Variants in SSC4D observed in about 807,000 individuals in gnomAD.
The protein encoded by SSC4D is scavenger receptor cysteine rich family member with 4 domains.
Under a neutral mutation model 63.4 loss-of-function variants are expected in SSC4D, and 57 were observed. That is an observed-to-expected ratio of 0.90 (90% CI 0.73 to 1.12). The LOEUF (loss-of-function observed/expected upper bound fraction) is 1.12. Ranked by LOEUF, SSC4D falls within the 50% of genes most tolerant of loss-of-function variation. The probability of loss-of-function intolerance (pLI) is 0.00; values close to 1 mark genes in which losing one functional copy is unlikely to be tolerated. For missense variants in SSC4D, 791 were observed against 806.4 expected (o/e 0.98, Z 0.23); for synonymous variants, 352 against 345.4 (o/e 1.02, Z -0.21).
rs571132958 is a variant in SSC4D, at chr7:76,404,391, G to A, written c.49C>T (p.Arg17Cys). Residue 17 changes from arginine to cysteine, a missense_variant, in exon 2 of 11, where the codon CGC (arginine) becomes TGC (cysteine). Coordinates refer to ENST00000275560, the MANE Select transcript of SSC4D (RefSeq NM_080744.2). ...CCATCTCCCAACCTCCACCCCCAGC[G>A]CTTCTCATCCAGCTGGGGACCAATT... is the stretch of plus-strand genomic sequence containing the variant. The part of the protein sequence containing the change: ...MLIGPQLDEK[R>C]WGWRLGDGSA... The A allele has an allele frequency of 1.1e-5, 18 of 1,613,998 alleles. No individual in the cohort carries two copies. The highest frequency in any genetic ancestry group is 2.2e-5 in the South Asian group (2 of 91,078).
In SSC4D at chr7:76,393,812, C is replaced by G. The variant is rs760953733; in HGVS notation, c.1021+18G>C. On this transcript the variant is annotated intron_variant, in intron 8 of 10. Transcript: ENST00000275560. Reference sequence around the variant, plus strand: ...CTACCCTTCCCCATCCCCCGCAGACCCAGGCACCGCCACTTACTTTTCTTC... The same window carrying G: ...CTACCCTTCCCCATCCCCCGCAGACGCAGGCACCGCCACTTACTTTTCTTC... The G allele has an allele frequency of 7.0e-7, 1 of 1,422,806 alleles. No individual in the cohort carries two copies. Among genetic ancestry groups the G allele is most frequent in the South Asian group, 1.2e-5 (1 of 81,616 alleles). 88.1% of individuals were successfully genotyped at this position (1,422,806 alleles called of 1,614,324 possible). A position where few individuals can be genotyped will look rare whatever the true frequency, so the allele number is the denominator to read the frequency against.
In SSC4D at chr7:76,404,387, C is replaced by G; in HGVS notation, c.53G>C (p.Trp18Ser). ...ACTCCCATCTCCCAACCTCCACCCC[C>G]AGCGCTTCTCATCCAGCTGGGGACC... ...LIGPQLDEKR[W>S]GWRLGDGSAA... is the part of the protein sequence containing the mutation. The change falls in exon 2 of 11, where the codon TGG becomes TCG. Residue 18 changes from tryptophan to serine, a missense_variant. Physicochemically the swap from Trp to Ser is radical, Grantham distance 177 (BLOSUM62 -3). Transcript: ENST00000275560. The G allele has an allele frequency of 1.2e-6, 2 of 1,614,022 alleles. No homozygotes were observed. Among genetic ancestry groups the G allele is most frequent in the East Asian group, 2.2e-5 (1 of 44,880 alleles).
chr7:76,395,887 G>T (rs138018412), intron 6 of SSC4D, among the ~76,000 whole-genome samples: 1 of 152,210 alleles, frequency 6.6e-6, no homozygotes, highest in East Asian at 1.9e-4. Flanking sequence ...TAGAGATGGG[G>T]TTTCACCATG....
chr7:76,400,436 G>A lies in SSC4D; in HGVS notation c.325C>T (p.Arg109Trp), dbSNP rs754293744. Residue 109 changes from arginine to tryptophan, a missense_variant, in exon 4 of 11, where the codon CGG (arginine) becomes TGG (tryptophan). Arg to Trp is a moderately radical substitution (Grantham distance 101). Coordinates refer to ENST00000275560, the MANE Select transcript of SSC4D (RefSeq NM_080744.2). ...CGGCCTTGGCCAAAGGCAAGGGGCC[G>A]TGGCACGGGCAGTGCCAGGCCACAG... is the stretch of plus-strand genomic sequence containing the variant. ...LGCGLALPVP[R>W]PLAFGQGRGP... 1.7e-5 allele frequency: 28 copies of A among 1,606,658 alleles called. No homozygotes were observed. Among genetic ancestry groups the A allele is most frequent in the Admixed American group, 6.7e-5 (4 of 59,384 alleles).
chr7:76,406,749 AC>A (rs1805046968), intron 1 of SSC4D, among the ~76,000 whole-genome samples: 1 of 150,256 alleles, frequency 6.7e-6, no homozygotes, highest in African/African-American at 2.4e-5. Context: ...CCTGTCTTGC[AC>A]TTTTTTTGTT....
At position 76,397,799 on chromosome 7, in the gene SSC4D, T is replaced by A. The variant is rs753519158; in HGVS notation, c.587A>T (p.Asn196Ile). 1 of 1,601,720 alleles carries A rather than the reference T, an allele frequency of 6.2e-7. No individual in the cohort carries two copies. Among genetic ancestry groups the A allele is most frequent in the Non-Finnish European group, 8.5e-7 (1 of 1,172,320 alleles). The change falls in exon 6 of 11, where the codon AAC (asparagine) becomes ATC (isoleucine). Residue 196 changes from asparagine (N) to isoleucine (I), a missense_variant. Coordinates refer to ENST00000275560, the MANE Select transcript of SSC4D (RefSeq NM_080744.2). ...GATCTCCACTCGGCCCTGACACAGG[T>A]TCGCGCCCCCTACCAGGCGTACGCT... Reference protein sequence around the residue: ...EGSVRLVGGANLCQGRVEILH... With the variant: ...EGSVRLVGGAILCQGRVEILH...
chr7:76,407,117 T>C (rs1338222456), intron 1 of SSC4D, among the ~76,000 whole-genome samples: 61 of 151,558 alleles, frequency 4.0e-4, no homozygotes, highest in Non-Finnish European at 2.4e-4. Flanking sequence ...TGTGCCACCA[T>C]ACTCGGCTAA....
At chr7:76,397,368 T>C in intron 6 of SSC4D, 150 bp downstream of exon 6, 1 of 979,332 alleles carries the variant, frequency 1.0e-6, no homozygotes. Flanking sequence ...ATAGAAGTAA[T>C]TTTGGATGCT....
intron 1 of SSC4D, among the ~76,000 whole-genome samples, chr7:76,406,908 A>G (rs1292037016): frequency 1.3e-5 from 2 of 151,804 alleles, no homozygotes; most frequent in Non-Finnish European, 2.9e-5. Flanking sequence ...ACTATGATTT[A>G]CTTAATATTT....
At chr7:76,397,984 G>A in intron 5 of SSC4D, 152 bp from the exon 6 acceptor site, 3 of 795,156 alleles carry the variant, frequency 3.8e-6, no homozygotes, top group Non-Finnish European at 5.8e-6. Flanking sequence ...CAGACTGGGG[G>A]TAGCTTGTGG....
chr7:76,392,054 G>A lies in SSC4D; in HGVS notation c.1334-13C>T, dbSNP rs142651575. The A allele has an allele frequency of 5.1e-6, 8 of 1,561,778 alleles. No homozygotes were observed. Among genetic ancestry groups the A allele is most frequent in the Non-Finnish European group, 6.9e-6 (8 of 1,152,432 alleles). Reference sequence around the variant, plus strand: ...AGCTCCTCTGGGCCTGGTTCAGGAAGGACAGAGATAAAGAGGTGGCTCTCA... The same window carrying A: ...AGCTCCTCTGGGCCTGGTTCAGGAAAGACAGAGATAAAGAGGTGGCTCTCA... On this transcript the variant is annotated splice_polypyrimidine_tract_variant and intron_variant, in intron 9 of 10. Coordinates refer to ENST00000275560, the MANE Select transcript of SSC4D (RefSeq NM_080744.2).
intron 5 of SSC4D, among the ~76,000 whole-genome samples, chr7:76,398,459 C>T (rs1014735544): frequency 2.6e-5 from 4 of 152,046 alleles, no homozygotes; most frequent in Non-Finnish European, 5.9e-5. Flanking sequence ...AATATGCCAC[C>T]ACGCCTGGCT....
At chr7:76,408,749 G>A (rs1805129088) in intron 1 of SSC4D, among the ~76,000 whole-genome samples, 1 of 152,138 alleles carries the variant, frequency 6.6e-6, no homozygotes, top group African/African-American at 2.4e-5. Flanking sequence ...CACGCCCAAG[G>A]GAACACTGGC....
Position 76,400,998 on chromosome 7 carries a change from G to A in SSC4D, c.169+10C>T. ...GGTGAGGGTGAGGAAGGGCGGGGTGGGGCACCTACCTTGAAAGGGCAGTGG... is the reference window on the plus strand; with the variant it reads ...GGTGAGGGTGAGGAAGGGCGGGGTGAGGCACCTACCTTGAAAGGGCAGTGG... On this transcript the variant is annotated intron_variant, in intron 3 of 10. Transcript: ENST00000275560. 1 of 1,550,876 alleles carries A rather than the reference G, an allele frequency of 6.4e-7. No homozygotes were observed. Among genetic ancestry groups the A allele is most frequent in the Non-Finnish European group, 8.7e-7 (1 of 1,146,632 alleles).
At position 76,394,135 on chromosome 7, in the gene SSC4D, A is replaced by G. The variant is rs75540461; in HGVS notation, c.947-231T>C. 8.1e-3 allele frequency among the ~76,000 whole-genome samples: 1,235 copies of G among 152,320 alleles called. 19 individuals carry two copies. The highest frequency in any genetic ancestry group is 0.028 in the African/African-American group (1,155 of 41,568). ...TTATCCTAACTTCAGGCCCAGGGATAGTTCCTATCCTAATTCCAATTGCAC... is the reference window on the plus strand; with the variant it reads ...TTATCCTAACTTCAGGCCCAGGGATGGTTCCTATCCTAATTCCAATTGCAC... On this transcript the variant is annotated intron_variant, in intron 7 of 10. Coordinates refer to ENST00000275560, the MANE Select transcript of SSC4D (RefSeq NM_080744.2).
chr7:76,405,619 G>A (rs750792215), intron 1 of SSC4D, among the ~76,000 whole-genome samples: 8 of 151,912 alleles, frequency 5.3e-5, no homozygotes, highest in Admixed American at 2.0e-4. Flanking sequence ...CTTCCTAGAG[G>A]GGTCAGCTTC....
At chr7:76,398,007 AT>A (rs1804697333) in intron 5 of SSC4D, among the ~76,000 whole-genome samples, 175 bp from the exon 6 acceptor site, 1 of 152,046 alleles carries the variant, frequency 6.6e-6, no homozygotes, top group Non-Finnish European at 1.5e-5. Flanking sequence ...TCATAGTATC[AT>A]TTCTGCCTAA....
At chr7:76,393,210 A>T (rs1001852698) in intron 9 of SSC4D, among the ~76,000 whole-genome samples, 195 bp downstream of exon 9, 9 of 151,892 alleles carry the variant, frequency 5.9e-5, no homozygotes, top group Non-Finnish European at 1.2e-4. Flanking sequence ...CCACTGCAGA[A>T]GGCTCTCCGT....
chr7:76,400,352 A>G lies in SSC4D; in HGVS notation c.409T>C (p.Cys137Arg), dbSNP rs752423568. The G allele has an allele frequency of 1.2e-5, 18 of 1,544,498 alleles. No homozygotes were observed. In the Admixed American group the frequency reaches 3.6e-4, roughly 31 times the overall value. ...CRGQEAALSE[C>R]GSRGWGVHNC... is the part of the protein sequence containing the mutation. ...TGGACGCCCCAGCCGCGGCTGCCGC[A>G]CTCGCTCAGCGCAGCTTCCTGCCCG... is the stretch of plus-strand genomic sequence containing the variant. Residue 137 changes from cysteine (C) to arginine (R), a missense_variant, in exon 4 of 11, where the codon TGC becomes CGC. Coordinates refer to ENST00000275560, the MANE Select transcript of SSC4D (RefSeq NM_080744.2).
Sources: gnomAD v4.1 joint callset for allele counts (sites outside exome capture counted in the v4.1 genomes callset) on GRCh38, gnomAD v4.1.1 for gene constraint, MANE v1.5 for transcripts, NCBI Gene and HGNC (gene_info 2026-07-23, HGNC 2026-07-21) for gene names.